Variants in OSBPL10 observed in about 807,000 individuals in gnomAD.
The protein encoded by OSBPL10 is oxysterol binding protein like 10.
A neutral mutation model predicts 81.7 loss-of-function variants in OSBPL10; 49 were observed. That is an observed-to-expected ratio of 0.60 (90% CI 0.48 to 0.76). OSBPL10 has a LOEUF of 0.76. OSBPL10 is among the 30% of genes least tolerant of loss of function. OSBPL10 has a pLI of 0.00. For synonymous variants in OSBPL10, 419 were observed against 383.6 expected (o/e 1.09, Z -1.08); for missense variants, 923 against 987.8 (o/e 0.93, Z 0.88).
chr3:31,959,571 A>G (rs1166673298), intron 1 of OSBPL10, among the ~76,000 whole-genome samples: 2 of 152,174 alleles, frequency 1.3e-5, no homozygotes, highest in Non-Finnish European at 2.9e-5. Context: ...ACATCAGATG[A>G]GTCTCAGGGC....
At chr3:31,669,059 T>C (rs764476775) in intron 9 of OSBPL10, among the ~76,000 whole-genome samples, 1 of 152,180 alleles carries the variant, frequency 6.6e-6, no homozygotes, top group East Asian at 1.9e-4. Flanking sequence ...GATTAGTTCA[T>C]AGTAATACAG....
chr3:32,039,113 C>G (rs1699547421), intron 2 of OSBPL10, among the ~76,000 whole-genome samples: 3 of 151,626 alleles, frequency 2.0e-5, no homozygotes, highest in Admixed American at 2.0e-4. Context: ...ATCAAGAGGT[C>G]AGGAGTTCAA....
chr3:31,838,460 G>A (rs1235323813), intron 3 of OSBPL10, among the ~76,000 whole-genome samples: 3 of 144,462 alleles, frequency 2.1e-5, no homozygotes, highest in South Asian at 2.2e-4. Context: ...GCAGTGAGCC[G>A]AGATCACGAG....
intron 1 of OSBPL10, among the ~76,000 whole-genome samples, chr3:32,072,711 A>ATGT: frequency 6.6e-6 from 1 of 151,984 alleles, no homozygotes; most frequent in Non-Finnish European, 1.5e-5. Context: ...TCGGGGATTC[A>ATGT]CCCTCGCCCA....
At chr3:31,997,032 A>G (rs1198833892) in intron 2 of OSBPL10, among the ~76,000 whole-genome samples, 1 of 152,116 alleles carries the variant, frequency 6.6e-6, no homozygotes, top group Admixed American at 6.6e-5. Context: ...ATTTATAGTT[A>G]CCACACGTTT....
chr3:31,805,029 A>G (rs1015195355), intron 4 of OSBPL10, among the ~76,000 whole-genome samples: 2 of 152,178 alleles, frequency 1.3e-5, no homozygotes, highest in Non-Finnish European at 2.9e-5. Context: ...AAAATTCGTA[A>G]TTATTATTTT....
At chr3:31,874,013 T>C (rs980157738) in intron 3 of OSBPL10, among the ~76,000 whole-genome samples, 4 of 152,160 alleles carry the variant, frequency 2.6e-5, no homozygotes, top group Non-Finnish European at 5.9e-5. Context: ...TAAATTATTA[T>C]TTATTTTGAT....
At chr3:31,724,454 C>T (rs912394776) in intron 6 of OSBPL10, among the ~76,000 whole-genome samples, 3 of 152,036 alleles carry the variant, frequency 2.0e-5, no homozygotes, top group Admixed American at 6.6e-5. Context: ...AGTCCAGTGT[C>T]GAAACCCATT....
At chr3:31,907,859 T>C (rs776425979) in intron 1 of OSBPL10, among the ~76,000 whole-genome samples, 9 of 152,060 alleles carry the variant, frequency 5.9e-5, no homozygotes, top group Non-Finnish European at 1.3e-4. Context: ...GAACTGATAT[T>C]CTAGGGGTGG....
intron 4 of OSBPL10, among the ~76,000 whole-genome samples, chr3:31,752,180 C>T (rs914049932): frequency 1.3e-5 from 2 of 152,190 alleles, no homozygotes; most frequent in Non-Finnish European, 2.9e-5. Flanking sequence ...ACAGACTCAC[C>T]TAGATCTCCC....
At chr3:31,851,434 C>G (rs1700761388) in intron 3 of OSBPL10, among the ~76,000 whole-genome samples, 1 of 152,214 alleles carries the variant, frequency 6.6e-6, no homozygotes, top group Admixed American at 6.5e-5. Context: ...AAGAGCCTCT[C>G]CCCGCATCTG....
chr3:31,877,384 GAT>G (rs1701503118), intron 2 of OSBPL10, among the ~76,000 whole-genome samples: 1 of 152,070 alleles, frequency 6.6e-6, no homozygotes, highest in African/African-American at 2.4e-5. Flanking sequence ...CCCCCAAAGA[GAT>G]ATTAAAGTGC....
In OSBPL10 at chr3:31,979,746, G is replaced by T. The variant is rs569410731; in HGVS notation, c.281+1153C>A. 1.8e-3 allele frequency among the ~76,000 whole-genome samples: 279 copies of T among 150,830 alleles called. 4 individuals carry two copies. Among genetic ancestry groups the T allele is most frequent in the African/African-American group, 5.9e-3 (242 of 41,124 alleles). ...ACAAAAACAAAAAGTAAACAGTAGT[G>T]CCACATCTGTTCTTGTCTTCCTCAC... On this transcript the variant is annotated intron_variant, in intron 1 of 11. Transcript: ENST00000396556.
chr3:32,051,525 C>T (rs572745521), intron 1 of OSBPL10, among the ~76,000 whole-genome samples: 1 of 152,178 alleles, frequency 6.6e-6, no homozygotes, highest in Non-Finnish European at 1.5e-5. Context: ...TCCTCACCCC[C>T]CACTGAGAGA....
At chr3:31,925,955 A>T (rs980609622) in intron 1 of OSBPL10, among the ~76,000 whole-genome samples, 2 of 152,160 alleles carry the variant, frequency 1.3e-5, no homozygotes, top group Admixed American at 1.3e-4. Context: ...GTGAATTCCT[A>T]CTGATCCATC....
chr3:31,922,775 GCTT>G (rs1318699160), intron 1 of OSBPL10, among the ~76,000 whole-genome samples: 1 of 152,100 alleles, frequency 6.6e-6, no homozygotes, highest in Non-Finnish European at 1.5e-5. Flanking sequence ...CCCCCGGCTG[GCTT>G]CTTATGTGGC....
intron 1 of OSBPL10, among the ~76,000 whole-genome samples, chr3:31,928,778 A>AAT (rs1697154524): frequency 6.8e-6 from 1 of 147,162 alleles, no homozygotes; most frequent in Non-Finnish European, 1.5e-5. Context: ...AAAAAAAAAA[A>AAT]AAAGAATGCC....
chr3:31,859,310 T>C lies in OSBPL10; in HGVS notation c.537+17123A>G, dbSNP rs75925801. Reference sequence around the variant, plus strand: ...TGAAATGGGAGCTGGAGCTTCCGGATAGCTGAATACAGGAGGCTCTAGGAG... The same window carrying C: ...TGAAATGGGAGCTGGAGCTTCCGGACAGCTGAATACAGGAGGCTCTAGGAG... On this transcript the variant is annotated intron_variant, in intron 3 of 11. Transcript: ENST00000396556. 6.2e-3 allele frequency among the ~76,000 whole-genome samples: 944 copies of C among 152,306 alleles called. 12 individuals carry two copies. Among genetic ancestry groups the C allele is most frequent in the African/African-American group, 0.021 (858 of 41,574 alleles).
chr3:32,035,562 C>CAA (rs35533294), intron 2 of OSBPL10, among the ~76,000 whole-genome samples: 3,835 of 90,292 alleles, frequency 0.042, 264 homozygotes, highest in African/African-American at 0.15. Flanking sequence ...AACTCTGTCT[C>CAA]AAAAAAAAAA....
Sources: allele counts gnomAD v4.1 joint callset (sites outside exome capture counted in the v4.1 genomes callset), GRCh38; gene constraint gnomAD v4.1.1; transcripts MANE v1.5; gene names NCBI Gene and HGNC (gene_info 2026-07-23, HGNC 2026-07-21).